Variants in ANO7 observed in about 807,000 individuals in gnomAD.
The protein encoded by ANO7 is anoctamin-7.
ANO7 carries 114 observed loss-of-function variants against 115.8 expected under a neutral mutation model. The ratio of observed to expected loss-of-function variants is 0.98; its 90% confidence interval spans 0.85 to 1.15. The LOEUF is 1.15. Among genes scored for constraint, ANO7 ranks in the 50% most tolerant of loss-of-function variants. ANO7 has a pLI of 0.00. For missense variants in ANO7, 1,302 were observed against 1,201.2 expected (o/e 1.08, Z -1.24); for synonymous variants, 550 against 498.2 (o/e 1.10, Z -1.38).
At chr2:241,240,210 T>C in the ANO7 span, 1 of 1,298,846 alleles carries the variant, frequency 7.7e-7, no homozygotes, top group Non-Finnish European at 1.1e-6. The surrounding 1 kb of genome is among the most constrained non-coding windows in gnomAD (Gnocchi z 5.5). Context: ...GACAGCAAGC[T>C]CGGGCTCCCC....
At chr2:241,217,913 G>C (rs1444992266) in intron 20 of ANO7, 22 bp downstream of exon 20, 2 of 1,376,062 alleles carry the variant, frequency 1.5e-6, no homozygotes, top group Non-Finnish European at 1.9e-6. Context: ...GCGGGAGCGC[G>C]GGGCGGGGCG....
intron 16 of ANO7, 122 bp from the exon 17 acceptor site, chr2:241,212,450 C>T (rs776902957): frequency 3.3e-5 from 38 of 1,147,726 alleles, no homozygotes; most frequent in Non-Finnish European, 4.1e-5. Context: ...CGGGACTCTA[C>T]GCCACAGTTC....
Position 241,204,909 on chromosome 2 carries a change from C to T in ANO7, c.934C>T (p.Leu312=), listed in dbSNP as rs145707947. The T allele has an allele frequency of 2.9e-5, 46 of 1,613,890 alleles. No homozygotes were observed. The highest frequency in any genetic ancestry group is 3.6e-5 in the Non-Finnish European group (43 of 1,179,988). ...WLLPAAVVGT[L]VFLVGCFLVF... is the part of the protein sequence containing the mutation. Reference sequence around the variant, plus strand: ...CCTGCCAGCGGCAGTGGTGGGCACACTGGTGTTCCTGGTGGGCTGCTTCCT... The same window carrying T: ...CCTGCCAGCGGCAGTGGTGGGCACATTGGTGTTCCTGGTGGGCTGCTTCCT... Residue 312 remains leucine (L), a synonymous_variant, in exon 10 of 25, where the codon CTG becomes TTG. Transcript: ENST00000674324.
At chr2:241,215,310 C>T (rs1473222190) in intron 18 of ANO7, among the ~76,000 whole-genome samples, 32 of 152,346 alleles carry the variant, frequency 2.1e-4, no homozygotes, top group Non-Finnish European at 1.0e-4. Flanking sequence ...GGTTGATCCT[C>T]AGACACACGT....
chr2:241,195,435 T>C (rs1302927860), intron 3 of ANO7, among the ~76,000 whole-genome samples: 3 of 152,154 alleles, frequency 2.0e-5, no homozygotes, highest in African/African-American at 4.8e-5. Context: ...ATGAGCACCA[T>C]AGCAGGAATC....
chr2:241,240,229 T>A, the ANO7 span: 2 of 1,062,240 alleles, frequency 1.9e-6, no homozygotes, highest in South Asian at 2.6e-5. The surrounding 1 kb of genome is among the most constrained non-coding windows in gnomAD (Gnocchi z 5.5). Context: ...CCTTACATTG[T>A]CACCAGTGTC....
intron 8 of ANO7, among the ~76,000 whole-genome samples, 194 bp downstream of exon 8, chr2:241,202,498 G>A (rs957637783): frequency 2.0e-5 from 3 of 152,210 alleles, no homozygotes; most frequent in Admixed American, 6.5e-5. Flanking sequence ...CCTCAGGTCC[G>A]GCTCTGCGGG....
chr2:241,210,387 A>G lies in ANO7; in HGVS notation c.1452A>G (p.Ala484=). Residue 484 remains alanine (A), a synonymous_variant, in exon 14 of 25, where the codon GCA becomes GCG. Transcript: ENST00000674324. The part of the protein sequence containing the change: ...VVSRSGNTLL[A]AWASRIASLT... ...CCAGGTCGGGCAACACCCTTCTCGC[A>G]GCCTGGGTGAGCCTCTGCTGCCTGC... The G allele has an allele frequency of 6.2e-7, 1 of 1,613,964 alleles. No homozygotes were observed. The highest frequency in any genetic ancestry group is 8.5e-7 in the Non-Finnish European group (1 of 1,179,982).
the ANO7 span, chr2:241,236,339 G>A: frequency 4.1e-6 from 2 of 488,552 alleles, no homozygotes; most frequent in Admixed American, 3.5e-5. Flanking sequence ...CCCTTCCACA[G>A]CCCCCGCACC....
rs777731343 is a variant in ANO7 at position 241,217,882 on chromosome 2, C to G, written c.2169C>G (p.Val723=). ...TGGCGGGCCTCACGCACCTGGCGGTCATCAGCAACGTGAGGCCCGGGCGGG... is the reference window on the plus strand; with the variant it reads ...TGGCGGGCCTCACGCACCTGGCGGTGATCAGCAACGTGAGGCCCGGGCGGG... ...HILAGLTHLA[V]ISNAFLLAFS... The change falls in exon 20 of 25, where the codon GTC becomes GTG. Residue 723 remains valine (V), a synonymous_variant. Transcript: ENST00000674324. 6.3e-7 allele frequency: 1 copy of G among 1,578,474 alleles called. No homozygotes were observed. The highest frequency in any genetic ancestry group is 8.6e-7 in the Non-Finnish European group (1 of 1,167,738).
At chr2:241,215,955 C>A in intron 18 of ANO7, 138 bp from the exon 19 acceptor site, 1 of 1,099,350 alleles carries the variant, frequency 9.1e-7, no homozygotes, top group Non-Finnish European at 1.3e-6. Context: ...CACCCCTCAG[C>A]CCCAGACCCC....
At chr2:241,230,342 T>C, downstream of ANO7, 1 of 939,328 alleles carries the variant, frequency 1.1e-6, no homozygotes, top group South Asian at 1.6e-5. This position sits in a 1 kb window ranked among gnomAD's most constrained non-coding sequence, Gnocchi z 5.0. Flanking sequence ...TGTCAATTTC[T>C]AGTGAAGCAT....
downstream of ANO7, chr2:241,230,081 A>T: frequency 6.3e-7 from 1 of 1,587,470 alleles, no homozygotes; most frequent in Non-Finnish European, 8.6e-7. The surrounding 1 kb of genome is among the most constrained non-coding windows in gnomAD (Gnocchi z 5.0). Context: ...TGTCCCCTGA[A>T]GCTCCTGGCT....
At chr2:241,230,358 G>A (rs2069594300), downstream of ANO7, 5 of 853,324 alleles carry the variant, frequency 5.9e-6, no homozygotes, top group Non-Finnish European at 9.4e-6. This position sits in a 1 kb window ranked among gnomAD's most constrained non-coding sequence, Gnocchi z 5.0. Flanking sequence ...AGCATTTTCT[G>A]AGTTAGCAAA....
chr2:241,191,305 C>T, intron 3 of ANO7, 54 bp downstream of exon 3: 1 of 1,604,166 alleles, frequency 6.2e-7, no homozygotes, highest in Non-Finnish European at 8.5e-7. Flanking sequence ...AGGGTGGGGA[C>T]ACCACGGGGG....
intron 3 of ANO7, among the ~76,000 whole-genome samples, chr2:241,191,958 G>T (rs1029353130): frequency 1.3e-5 from 2 of 152,236 alleles, no homozygotes; most frequent in African/African-American, 4.8e-5. Flanking sequence ...CGGGATGGGG[G>T]CCCCGGGGAG....
rs1559461376 is a variant in ANO7, at chr2:241,225,105, T to TC, written c.*956dup. 1 of 152,206 alleles carries TC rather than the reference T, an allele frequency of 6.6e-6. No individual in the cohort carries two copies. The highest frequency in any genetic ancestry group is 1.5e-5 in the Non-Finnish European group (1 of 68,052). 9.4% of individuals were successfully genotyped at this position (152,206 alleles called of 1,614,324 possible). On this transcript the variant is annotated 3_prime_UTR_variant, in exon 25 of 25. Coordinates refer to ENST00000674324, the MANE Select transcript of ANO7 (RefSeq NM_001370694.2). ...CTGTGCTGGGGAGCCACATGAAGCT[T>TC]CCCCTGGCTAACTTGCTACCCCGCA...
chr2:241,230,778 T>C, downstream of ANO7: 6 of 1,614,172 alleles, frequency 3.7e-6, no homozygotes, highest in Non-Finnish European at 4.2e-6. This position sits in a 1 kb window ranked among gnomAD's most constrained non-coding sequence, Gnocchi z 5.0. Context: ...GTCCATGATT[T>C]TGCGAATGGC....
chr2:241,237,602 C>T, the ANO7 span, among the ~76,000 whole-genome samples: 2 of 152,102 alleles, frequency 1.3e-5, no homozygotes, highest in African/African-American at 4.8e-5. Flanking sequence ...TTAGATACTA[C>T]TGTTATATAA....
Sources: gnomAD v4.1 joint callset for allele counts (sites outside exome capture counted in the v4.1 genomes callset) on GRCh38, gnomAD v4.1.1 for gene constraint, Gnocchi (gnomAD v3.1) non-coding constraint, MANE v1.5 for transcripts, NCBI Gene and HGNC (gene_info 2026-07-23, HGNC 2026-07-21) for gene names.